The following SPATA33 variants were observed in gnomAD, a reference collection of about 807,000 sequenced individuals.
SPATA33 encodes spermatogenesis associated 33, also known as spermatogenesis-associated protein 33.
Under a neutral mutation model 8.9 loss-of-function variants are expected in SPATA33, and 10 were observed. The observed-to-expected ratio is 1.12, with a 90% CI of 0.69 to 1.90. The LOEUF (loss-of-function observed/expected upper bound fraction) is 1.90. SPATA33 is among the 40% of genes most tolerant of loss of function. The pLI is 0.00. For missense variants in SPATA33, 241 were observed against 178.3 expected (o/e 1.35, Z -2.00); for synonymous variants, 96 against 72.8 (o/e 1.32, Z -1.63).
At position 89,657,862 on chromosome 16, in the gene SPATA33, C is replaced by T. The variant is rs893431424; in HGVS notation, c.-50C>T. Reference sequence around the variant, plus strand: ...TGAGTCGCTCCCGGCTCCGCGGCCGCGGAGGTGTGGGGACCCGGGCTTGCG... The same window carrying T: ...TGAGTCGCTCCCGGCTCCGCGGCCGTGGAGGTGTGGGGACCCGGGCTTGCG... On this transcript the variant is annotated 5_prime_UTR_variant, in exon 1 of 3. Coordinates refer to ENST00000579310, the MANE Select transcript of SPATA33 (RefSeq NM_001271907.2). 178 of 1,509,598 alleles carry T rather than the reference C, an allele frequency of 1.2e-4. 1 individual carries two copies. Among genetic ancestry groups the T allele is most frequent in the Non-Finnish European group, 1.5e-4 (167 of 1,136,272 alleles). 93.5% of individuals were successfully genotyped at this position (1,509,598 alleles called of 1,614,324 possible).
At chr16:89,660,810 C>T (rs2059956840) in intron 2 of SPATA33, 2 of 1,075,856 alleles carry the variant, frequency 1.9e-6, no homozygotes, top group Admixed American at 4.4e-5. Context: ...ACATGGGAAG[C>T]ACTGCAGTTT....
At position 89,669,294 on chromosome 16, in the gene SPATA33, G is replaced by A. The variant is rs750682988; in HGVS notation, c.220G>A (p.Asp74Asn). The A allele has an allele frequency of 3.7e-6, 6 of 1,614,060 alleles. No homozygotes were observed. The highest frequency in any genetic ancestry group is 5.1e-6 in the Non-Finnish European group (6 of 1,180,046). The change falls in exon 3 of 3, where the codon GAT (aspartate) becomes AAT (asparagine). Residue 74 changes from aspartate to asparagine, a missense_variant. Physicochemically the swap from Asp to Asn is conservative, Grantham distance 23. Transcript: ENST00000579310. Reference protein sequence around the residue: ...PPAASLEEKPDVKQKSSRKKV... With the variant: ...PPAASLEEKPNVKQKSSRKKV... ...GATGTTTTTTCCTCTAGAGAAACCT[G>A]ATGTAAAGCAAAAGTCCAGCAGGAA...
At chr16:89,662,085 A>T (rs1381086764) in intron 2 of SPATA33, among the ~76,000 whole-genome samples, 1 of 152,130 alleles carries the variant, frequency 6.6e-6, no homozygotes, top group Non-Finnish European at 1.5e-5. Flanking sequence ...TGAGGTCAGG[A>T]GTTCGAGACC....
chr16:89,660,402 C>T lies in SPATA33; in HGVS notation c.211+1981C>T, dbSNP rs1036869784. ...GTAACGGAAGTGGGGGAAGGAGGAC[C>T]GCCTGTTGGAAGGGCCCCAGCAGTG... On this transcript the variant is annotated intron_variant, in intron 2 of 2. Coordinates refer to ENST00000579310, the MANE Select transcript of SPATA33 (RefSeq NM_001271907.2). The T allele has an allele frequency of 1.4e-5, 16 of 1,150,252 alleles. No homozygotes were observed. In the South Asian group the frequency reaches 1.8e-4, roughly 13 times the overall value. 71.3% of individuals were successfully genotyped at this position (1,150,252 alleles called of 1,614,324 possible). A position where few individuals can be genotyped will look rare whatever the true frequency, so the allele number is the denominator to read the frequency against.
chr16:89,658,529 A>ACG, intron 2 of SPATA33, 108 bp downstream of exon 2: 1 of 1,398,396 alleles, frequency 7.2e-7, no homozygotes, highest in Non-Finnish European at 9.5e-7. Flanking sequence ...AGTAGCAGGC[A>ACG]CGCGCCGTAA....
Position 89,658,193 on chromosome 16 carries a change from C to T in SPATA33, c.38-55C>T, listed in dbSNP as rs1568008690. On this transcript the variant is annotated intron_variant, in intron 1 of 2. Transcript: ENST00000579310. ...CGCAGGCGACTGAAGACGATGGGAC[C>T]CACTGCCCTGCATTCGGTAAGTCCC... 3.9e-5 allele frequency: 62 copies of T among 1,606,608 alleles called. 2 individuals are homozygous for T. In the South Asian group the frequency reaches 6.1e-4, roughly 16 times the overall value.
Position 89,669,314 on chromosome 16 carries a change from C to A in SPATA33, c.240C>A (p.Ser80Arg), listed in dbSNP as rs376966711. ...AACCTGATGTAAAGCAAAAGTCCAG[C>A]AGGAAGAAAGTGGTCGTTCCACAGA... ...EEKPDVKQKSSRKKVVVPQII... is the reference protein window; with the variant it reads ...EEKPDVKQKSRRKKVVVPQII... The change falls in exon 3 of 3, where the codon AGC (serine) becomes AGA (arginine). Residue 80 changes from serine (S) to arginine (R), a missense_variant. Transcript: ENST00000579310. 47 of 1,614,022 alleles carry A rather than the reference C, an allele frequency of 2.9e-5. No individual in the cohort carries two copies. The highest frequency in any genetic ancestry group is 3.8e-5 in the Non-Finnish European group (45 of 1,180,040).
At chr16:89,664,353 C>CTT (rs10665200) in intron 2 of SPATA33, among the ~76,000 whole-genome samples, 148,533 of 152,226 alleles carry the variant, frequency 0.98, 72,553 homozygotes, top group East Asian at 1. Flanking sequence ...TGGCAGGACT[C>CTT]AAGACAGCCC....
At chr16:89,659,011 A>G (rs983724308) in intron 2 of SPATA33, 3 of 153,104 alleles carry the variant, frequency 2.0e-5, no homozygotes, top group Admixed American at 6.5e-5. Flanking sequence ...ATTTTAAACA[A>G]CGGAGGTGCT....
Position 89,658,244 on chromosome 16 carries a change from T to A in SPATA33, c.38-4T>A, listed in dbSNP as rs200266103. ...GGGTCTAACGGATGATCCATATATT[T>A]CAGGTGAGGAGCAAAAGAAGGGATC... On this transcript the variant is annotated splice_polypyrimidine_tract_variant and splice_region_variant and intron_variant, in intron 1 of 2. Transcript: ENST00000579310. The A allele has an allele frequency of 6.2e-6, 10 of 1,614,064 alleles. No homozygotes were observed. The African/African-American group carries it at 1.1e-4, about 17-fold the overall frequency.
At position 89,658,284 on chromosome 16, in the gene SPATA33, C is replaced by T. The variant is rs1223273294; in HGVS notation, c.74C>T (p.Pro25Leu). 1.2e-6 allele frequency: 2 copies of T among 1,614,182 alleles called. No homozygotes were observed. The highest frequency in any genetic ancestry group is 1.7e-6 in the Non-Finnish European group (2 of 1,180,038). ...AAGAAGGGATCCACCTATTCAGTTCCAAAATCTAAGGAGAAGTTGATGGAG... is the reference window on the plus strand; with the variant it reads ...AAGAAGGGATCCACCTATTCAGTTCTAAAATCTAAGGAGAAGTTGATGGAG... Reference protein sequence around the residue: ...EQKKGSTYSVPKSKEKLMEKH... With the variant: ...EQKKGSTYSVLKSKEKLMEKH... The change falls in exon 2 of 3, where the codon CCA becomes CTA. Residue 25 changes from proline (P) to leucine (L), a missense_variant. Physicochemically the swap from Pro to Leu is moderately conservative, Grantham distance 98. Transcript: ENST00000579310.
intron 2 of SPATA33, among the ~76,000 whole-genome samples, chr16:89,666,974 A>C (rs1316278303): frequency 6.6e-6 from 1 of 152,248 alleles, no homozygotes; most frequent in African/African-American, 2.4e-5. Context: ...TGACCACTGA[A>C]GCACAGCATC....
rs1370606897 is a variant in SPATA33 at position 89,657,939 on chromosome 16, C to G, written c.28C>G (p.Pro10Ala). Residue 10 changes from proline (P) to alanine (A), a missense_variant, in exon 1 of 3, where the codon CCC (proline) becomes GCC (alanine). By Grantham distance (27) the Pro-to-Ala change is conservative. Coordinates refer to ENST00000579310, the MANE Select transcript of SPATA33 (RefSeq NM_001271907.2). The stretch of plus-strand genomic sequence containing the variant: ...GGGCCTTTCCAAAAGCAAAGAGAAA[C>G]CCAGGAAAGGTAAAGGAGGCGCAGG... MGLSKSKEK[P>A]RKGEEQKKGS... 4 of 1,517,342 alleles carry G rather than the reference C, an allele frequency of 2.6e-6. No individual in the cohort carries two copies. In the African/African-American group the frequency reaches 4.3e-5, roughly 16 times the overall value. The allele number at this position is 1,517,342 out of a possible 1,614,324, so 94.0% of individuals were successfully genotyped here. A position where few individuals can be genotyped will look rare whatever the true frequency, so the allele number is the denominator to read the frequency against.
At chr16:89,665,650 G>A (rs1011022073) in intron 2 of SPATA33, among the ~76,000 whole-genome samples, 2 of 152,140 alleles carry the variant, frequency 1.3e-5, no homozygotes, top group African/African-American at 2.4e-5. Flanking sequence ...CTTTGAGGAA[G>A]ATGAAATAAG....
Position 89,663,239 on chromosome 16 carries a change from TTC to T in SPATA33, c.211+4820_211+4821del, listed in dbSNP as rs1481306159. 1.8e-4 allele frequency among the ~76,000 whole-genome samples: 26 copies of T among 145,288 alleles called. 1 individual carries two copies. The highest frequency in any genetic ancestry group is 6.8e-3 in the Middle Eastern group (2 of 292). The stretch of plus-strand genomic sequence containing the variant: ...AAGGTCACATGCTGTATGATTCCAT[TTC>T]TTTTTTTTTTTTTTTTAGGCTGGAG... On this transcript the variant is annotated intron_variant, in intron 2 of 2. Transcript: ENST00000579310.
intron 2 of SPATA33, among the ~76,000 whole-genome samples, chr16:89,663,487 C>G (rs998632811): frequency 6.6e-6 from 1 of 152,102 alleles, no homozygotes; most frequent in Non-Finnish European, 1.5e-5. Context: ...TCAGGTGATC[C>G]GCTTGCCTCG....
chr16:89,668,692 T>C (rs1339742384), intron 2 of SPATA33, among the ~76,000 whole-genome samples: 1 of 149,926 alleles, frequency 6.7e-6, no homozygotes, highest in Admixed American at 6.6e-5. Flanking sequence ...TGCCCGAGCT[T>C]GTAGCAGTGG....
At chr16:89,669,135 C>T (rs2060064272) in intron 2 of SPATA33, 151 bp from the exon 3 acceptor site, 5 of 693,266 alleles carry the variant, frequency 7.2e-6, no homozygotes, top group Non-Finnish European at 1.3e-5. Flanking sequence ...CTGTAATGTT[C>T]ATGGACAGTT....
intron 2 of SPATA33, among the ~76,000 whole-genome samples, chr16:89,666,994 C>T (rs1026051796): frequency 2.6e-5 from 4 of 152,170 alleles, no homozygotes; most frequent in African/African-American, 9.6e-5. Context: ...CACAGGGAGA[C>T]GATTAGGCCT....
Sources: allele counts gnomAD v4.1 joint callset (sites outside exome capture counted in the v4.1 genomes callset), GRCh38; gene constraint gnomAD v4.1.1; transcripts MANE v1.5; gene names NCBI Gene and HGNC (gene_info 2026-07-23, HGNC 2026-07-21).